Variants in ZNF217 observed in about 807,000 individuals in gnomAD.
ZNF217 encodes zinc finger protein 217.
Under a neutral mutation model 73.3 loss-of-function variants are expected in ZNF217, and 12 were observed. The ratio of observed to expected loss-of-function variants is 0.16; its 90% confidence interval spans 0.10 to 0.27. The LOEUF is 0.27. Among genes scored for constraint, ZNF217 ranks in the 10% least tolerant of loss-of-function variants. The pLI is 1.00. For missense variants in ZNF217, 1,195 were observed against 1,327.8 expected (o/e 0.90, Z 1.55); for synonymous variants, 588 against 516.4 (o/e 1.14, Z -1.88).
At position 53,568,512 on chromosome 20, in the gene ZNF217, A is replaced by T. The variant is rs1987842007; in HGVS notation, c.*776T>A. ...GACACACTCTCTTAAAAATCCTACA[A>T]GCCATCCCAACGCCCTCAGTCAAGG... On this transcript the variant is annotated 3_prime_UTR_variant, in exon 6 of 6. Coordinates refer to ENST00000371471, the MANE Select transcript of ZNF217 (RefSeq NM_006526.3). The T allele has an allele frequency of 6.6e-6, 1 of 152,168 alleles. No individual in the cohort carries two copies. The allele number at this position is 152,168 out of a possible 1,614,324, so 9.4% of individuals were successfully genotyped here.
chr20:53,579,625 T>C (rs546589520), intron 2 of ZNF217, among the ~76,000 whole-genome samples: 2 of 152,358 alleles, frequency 1.3e-5, no homozygotes, highest in African/African-American at 4.8e-5. Flanking sequence ...CAAAAAGCTA[T>C]GAAATGCCTT....
chr20:53,573,386 T>C (rs969713784), intron 4 of ZNF217, among the ~76,000 whole-genome samples: 2 of 152,158 alleles, frequency 1.3e-5, no homozygotes, highest in African/African-American at 2.4e-5. Context: ...CAACTGGCCT[T>C]GTAGTACTAT....
At chr20:53,570,652 T>C (rs572361022) in intron 5 of ZNF217, 11 of 152,634 alleles carry the variant, frequency 7.2e-5, no homozygotes, top group African/African-American at 2.6e-4. Flanking sequence ...ACTTGAGCCT[T>C]ACGGGACGGC....
intron 4 of ZNF217, among the ~76,000 whole-genome samples, chr20:53,573,196 C>T (rs1988094541): frequency 6.7e-6 from 1 of 148,876 alleles, no homozygotes; most frequent in Non-Finnish European, 1.5e-5. Context: ...AATCTCAGCT[C>T]ACCGCAACCT....
upstream of ZNF217, among the ~76,000 whole-genome samples, chr20:53,596,240 CA>C (rs201769487): frequency 1.2e-3 from 176 of 144,708 alleles, no homozygotes; most frequent in Middle Eastern, 3.5e-3. Flanking sequence ...CCGCCTCTCT[CA>C]AAAAAAAAAA....
In ZNF217 at chr20:53,575,711, G is replaced by A. The variant is rs377285264; in HGVS notation, c.3037+16C>T. The A allele has an allele frequency of 1.8e-5, 28 of 1,540,556 alleles. No individual in the cohort carries two copies. The African/African-American group carries it at 2.3e-4, about 13-fold the overall frequency. On this transcript the variant is annotated intron_variant, in intron 4 of 5. Coordinates refer to ENST00000371471, the MANE Select transcript of ZNF217 (RefSeq NM_006526.3). ...CTGTAGGCAGCCATTTAAACACGAC[G>A]CCCCTCATGCAATACCTTCTAACGT...
intron 1 of ZNF217, among the ~76,000 whole-genome samples, chr20:53,593,191 C>G (rs1988943587): frequency 6.6e-6 from 1 of 152,124 alleles, no homozygotes; most frequent in African/African-American, 2.4e-5. Context: ...CCCAGCCCCT[C>G]CCGCGGTCCC....
chr20:53,583,700 G>A (rs1235620368), intron 1 of ZNF217, among the ~76,000 whole-genome samples: 1 of 152,216 alleles, frequency 6.6e-6, no homozygotes, highest in Non-Finnish European at 1.5e-5. Flanking sequence ...ACATACAGAG[G>A]TCAACAAAAT....
rs1461922364 is a variant in ZNF217 at position 53,576,182 on chromosome 20, A to G, written c.2582T>C (p.Leu861Ser). The G allele has an allele frequency of 6.2e-7, 1 of 1,613,982 alleles. No homozygotes were observed. The highest frequency in any genetic ancestry group is 8.5e-7 in the Non-Finnish European group (1 of 1,180,028). ...AGAAGGAGCTACTGGAAGAGGTTTC[A>G]ATTTTGTCTCGGGTCTTTTTGTCTT... Reference protein sequence around the residue: ...PDKTKRPETKLKPLPVAPSQP... With the variant: ...PDKTKRPETKSKPLPVAPSQP... Residue 861 changes from leucine (L) to serine (S), a missense_variant, in exon 4 of 6, where the codon TTG becomes TCG. Coordinates refer to ENST00000371471, the MANE Select transcript of ZNF217 (RefSeq NM_006526.3).
chr20:53,594,083 G>A (rs1988987267), upstream of ZNF217, among the ~76,000 whole-genome samples: 1 of 103,046 alleles, frequency 9.7e-6, no homozygotes, highest in African/African-American at 3.9e-5. Context: ...ACCCCCGCCC[G>A]GAGAATATAG....
At chr20:53,589,229 G>C (rs1215221889) in intron 1 of ZNF217, among the ~76,000 whole-genome samples, 4 of 152,218 alleles carry the variant, frequency 2.6e-5, no homozygotes, top group African/African-American at 9.6e-5. Flanking sequence ...GTGGAGGTCA[G>C]AAACAAGTTT....
At chr20:53,588,931 AG>A (rs1041122348) in intron 1 of ZNF217, among the ~76,000 whole-genome samples, 1 of 152,234 alleles carries the variant, frequency 6.6e-6, no homozygotes, top group Admixed American at 6.5e-5. Context: ...TATAAACTGA[AG>A]AAAAACTCTA....
chr20:53,575,546 G>A (rs1600715896), intron 4 of ZNF217, 181 bp downstream of exon 4: 2 of 576,686 alleles, frequency 3.5e-6, no homozygotes, highest in Non-Finnish European at 3.0e-6. Context: ...ACAGAGTTAA[G>A]TAAGCCTTGG....
Position 53,583,603 on chromosome 20 carries a change from T to C in ZNF217, c.-342-435A>G, listed in dbSNP as rs1392181219. On this transcript the variant is annotated intron_variant, in intron 1 of 5. Transcript: ENST00000371471. ...AGTAAACTATTTTAAATCCAGTGTA[T>C]ACAAAACAATTTAAAATTTGTTTCA... Among the ~76,000 whole-genome samples, 3 of 152,226 alleles carry C rather than the reference T, an allele frequency of 2.0e-5. No individual in the cohort carries two copies. In the East Asian group the frequency reaches 5.8e-4, roughly 29 times the overall value.
At position 53,567,155 on chromosome 20, in the gene ZNF217, T is replaced by A. The variant is rs1231691884; in HGVS notation, c.*2133A>T. 2.6e-5 allele frequency: 4 copies of A among 152,458 alleles called. No individual in the cohort carries two copies. The highest frequency in any genetic ancestry group is 5.9e-5 in the Non-Finnish European group (4 of 68,018). The allele number at this position is 152,458 out of a possible 1,614,324, so 9.4% of individuals were successfully genotyped here. ...AATATATCATAAATAAAACAAGTAA[T>A]GTCTACTGTTCGACAACTTAAGTAT... On this transcript the variant is annotated 3_prime_UTR_variant, in exon 6 of 6. Coordinates refer to ENST00000371471, the MANE Select transcript of ZNF217 (RefSeq NM_006526.3).
chr20:53,592,578 T>C (rs1250215217), intron 1 of ZNF217, among the ~76,000 whole-genome samples: 1 of 133,740 alleles, frequency 7.5e-6, no homozygotes, highest in Non-Finnish European at 1.6e-5. Flanking sequence ...TCCCAAAATG[T>C]GGGTTCCAAC....
In ZNF217 at chr20:53,593,749, C is replaced by T. The variant is rs1568694694; in HGVS notation, c.-343+7G>A. 6.6e-6 allele frequency: 1 copy of T among 150,972 alleles called. No individual in the cohort carries two copies. The highest frequency in any genetic ancestry group is 1.5e-5 in the Non-Finnish European group (1 of 67,660). 9.4% of individuals were successfully genotyped at this position (150,972 alleles called of 1,614,324 possible). Reference sequence around the variant, plus strand: ...GCTGGCGCGGGCGGGGGGCGCGCCCCCTTTACCTGCGGCTCCGGCTCCTCG... The same window carrying T: ...GCTGGCGCGGGCGGGGGGCGCGCCCTCTTTACCTGCGGCTCCGGCTCCTCG... On this transcript the variant is annotated splice_region_variant and intron_variant, in intron 1 of 5. Transcript: ENST00000371471.
rs1432434302 is a variant in ZNF217 at position 53,581,856 on chromosome 20, T to A, written c.971A>T (p.Asn324Ile). ...KESGQEGSTDNDDSSSEKELG... is the reference protein window; with the variant it reads ...KESGQEGSTDIDDSSSEKELG... ...CTCCTTCTCGGAACTCGAATCGTCG[T>A]TGTCGGTGCTCCCTTCTTGCCCCGA... The change falls in exon 2 of 6, where the codon AAC becomes ATC. Residue 324 changes from asparagine (N) to isoleucine (I), a missense_variant. Around this residue, in one of 9 missense-constraint regions of ZNF217, gnomAD observed 102 missense variants for 91.9 expected, o/e 1.11. Coordinates refer to ENST00000371471, the MANE Select transcript of ZNF217 (RefSeq NM_006526.3). The surrounding 1 kb of genome is among the most constrained non-coding windows in gnomAD (Gnocchi z 4.9). The A allele has an allele frequency of 6.2e-7, 1 of 1,614,258 alleles. No homozygotes were observed. The highest frequency in any genetic ancestry group is 1.1e-5 in the South Asian group (1 of 91,088).
In ZNF217 at chr20:53,583,644, G is replaced by A. The variant is rs1481547675; in HGVS notation, c.-342-476C>T. ...ATTTGTTTCATATACAAACAAATCT[G>A]CATCCAAGAAATCTAAGTGCCCAAA... is the stretch of plus-strand genomic sequence containing the variant. On this transcript the variant is annotated intron_variant, in intron 1 of 5. Coordinates refer to ENST00000371471, the MANE Select transcript of ZNF217 (RefSeq NM_006526.3). Among the ~76,000 whole-genome samples the A allele has an allele frequency of 3.3e-5, 5 of 152,284 alleles. No homozygotes were observed. In the East Asian group the frequency reaches 9.6e-4, roughly 29 times the overall value.
Sources: gnomAD v4.1 joint callset for allele counts (sites outside exome capture counted in the v4.1 genomes callset) on GRCh38, gnomAD v4.1.1 for gene constraint, gnomAD v4.1.1 regional missense constraint, Gnocchi (gnomAD v3.1) non-coding constraint, MANE v1.5 for transcripts, NCBI Gene and HGNC (gene_info 2026-07-23, HGNC 2026-07-21) for gene names.